Variants in MAGI1 observed in about 807,000 individuals in gnomAD.
The protein encoded by MAGI1 is membrane-associated guanylate kinase, WW and PDZ domain-containing protein 1.
Under a neutral mutation model 139.9 loss-of-function variants are expected in MAGI1, and 58 were observed. The observed-to-expected ratio is 0.41, with a 90% CI of 0.34 to 0.52. The LOEUF (loss-of-function observed/expected upper bound fraction) is 0.52. Among genes scored for constraint, MAGI1 ranks in the 20% least tolerant of loss-of-function variants. The pLI, the probability that MAGI1 is intolerant of heterozygous loss-of-function variation, is 0.12. For synonymous variants in MAGI1, 812 were observed against 737.9 expected (o/e 1.10, Z -1.63); for missense variants, 1,874 against 1,901.6 (o/e 0.99, Z 0.27).
intron 1 of MAGI1, among the ~76,000 whole-genome samples, chr3:65,735,396 A>T (rs557626966): frequency 2.2e-4 from 20 of 91,420 alleles, no homozygotes; most frequent in Admixed American, 3.5e-4. Context: ...ATCAACAGAA[A>T]ATATAAATAT....
intron 1 of MAGI1, among the ~76,000 whole-genome samples, chr3:65,794,897 A>G (rs1313061828): frequency 6.6e-6 from 1 of 152,136 alleles, no homozygotes; most frequent in African/African-American, 2.4e-5. Flanking sequence ...GGCAAAATAT[A>G]TAAACAGACA....
intron 2 of MAGI1, among the ~76,000 whole-genome samples, chr3:65,586,656 T>C (rs953777222): frequency 1.3e-5 from 2 of 152,168 alleles, no homozygotes; most frequent in African/African-American, 4.8e-5. Flanking sequence ...CACAAAAATA[T>C]ACAAAGATAC....
At chr3:65,434,536 C>T (rs1038012470) in intron 10 of MAGI1, among the ~76,000 whole-genome samples, 2 of 152,090 alleles carry the variant, frequency 1.3e-5, no homozygotes, top group Non-Finnish European at 2.9e-5. Context: ...AAAATTACTA[C>T]CAAACAATCT....
At chr3:65,636,546 C>T (rs2084629141) in intron 1 of MAGI1, among the ~76,000 whole-genome samples, 1 of 152,148 alleles carries the variant, frequency 6.6e-6, no homozygotes, top group African/African-American at 2.4e-5. Context: ...GTAAGACAAC[C>T]CTATCACATC....
intron 1 of MAGI1, among the ~76,000 whole-genome samples, chr3:65,663,156 AAC>A (rs1204534130): frequency 6.6e-6 from 1 of 152,226 alleles, no homozygotes; most frequent in Non-Finnish European, 1.5e-5. Context: ...ATATAAATTT[AAC>A]ATAGTAAAAT....
chr3:65,926,368 T>TCTCC (rs980352774), intron 1 of MAGI1, among the ~76,000 whole-genome samples: 20 of 147,658 alleles, frequency 1.4e-4, no homozygotes, highest in African/African-American at 4.0e-4. Context: ...TCTCTCTCTC[T>TCTCC]CCCTCTTTCC....
intron 14 of MAGI1, chr3:65,387,082 A>C: frequency 1.4e-6 from 2 of 1,456,384 alleles, no homozygotes; most frequent in Admixed American, 1.7e-5. Flanking sequence ...CCCCAGACCA[A>C]TGAGAACATC....
At chr3:65,918,668 C>G (rs544793626) in intron 1 of MAGI1, among the ~76,000 whole-genome samples, 1 of 151,988 alleles carries the variant, frequency 6.6e-6, no homozygotes, top group Non-Finnish European at 1.5e-5. Flanking sequence ...TGTGAGCCAC[C>G]GCGCCCGGCC....
intron 1 of MAGI1, among the ~76,000 whole-genome samples, chr3:65,759,457 C>G (rs1022261788): frequency 2.6e-5 from 4 of 152,136 alleles, no homozygotes; most frequent in African/African-American, 7.2e-5. Context: ...ACTGGGATCT[C>G]AGGACAATGT....
intron 13 of MAGI1, among the ~76,000 whole-genome samples, chr3:65,394,985 A>C (rs903009935): frequency 6.6e-6 from 1 of 152,216 alleles, no homozygotes; most frequent in African/African-American, 2.4e-5. Flanking sequence ...TATACTTTTA[A>C]GTCTGTTAAC....
intron 1 of MAGI1, among the ~76,000 whole-genome samples, chr3:65,967,642 G>C (rs1053201387): frequency 6.6e-6 from 1 of 152,214 alleles, no homozygotes; most frequent in Non-Finnish European, 1.5e-5. Flanking sequence ...CCAGGCCAAA[G>C]CAGTCGACAG....
chr3:65,945,597 C>T (rs2063511337), intron 1 of MAGI1, among the ~76,000 whole-genome samples: 1 of 152,196 alleles, frequency 6.6e-6, no homozygotes, highest in African/African-American at 2.4e-5. Flanking sequence ...AGTAGCCATG[C>T]TTCAACCAGT....
At chr3:65,904,023 A>C (rs2061341620) in intron 1 of MAGI1, among the ~76,000 whole-genome samples, 1 of 152,106 alleles carries the variant, frequency 6.6e-6, no homozygotes, top group Non-Finnish European at 1.5e-5. Context: ...AAAAAAAGAA[A>C]GAAAGAAAAT....
intron 1 of MAGI1, 135 bp downstream of exon 1, chr3:66,037,861 G>A: frequency 2.8e-6 from 4 of 1,426,832 alleles, no homozygotes; most frequent in Non-Finnish European, 3.8e-6. Context: ...GTATTTCACC[G>A]CCACCACAGG....
At chr3:65,553,223 A>G (rs1052323710) in intron 2 of MAGI1, among the ~76,000 whole-genome samples, 1 of 152,104 alleles carries the variant, frequency 6.6e-6, no homozygotes, top group African/African-American at 2.4e-5. Context: ...CGGTATAACA[A>G]TATTAAGTCA....
At position 65,738,303 on chromosome 3, in the gene MAGI1, C is replaced by G. The variant is rs13086107; in HGVS notation, c.314-116215G>C. 3.0e-3 allele frequency among the ~76,000 whole-genome samples: 457 copies of G among 152,312 alleles called. 4 individuals are homozygous for G. The highest frequency in any genetic ancestry group is 5.9e-3 in the Non-Finnish European group (400 of 68,030). ...CCTCCTGCCTCAGCCTCCTGAGTTG[C>G]TAGGACTATAGGCATGGGCCACCAC... is the stretch of plus-strand genomic sequence containing the variant. On this transcript the variant is annotated intron_variant, in intron 1 of 22. Coordinates refer to ENST00000402939, the MANE Select transcript of MAGI1 (RefSeq NM_001033057.2).
chr3:65,892,813 G>C (rs1441594426), intron 1 of MAGI1, among the ~76,000 whole-genome samples: 1 of 152,058 alleles, frequency 6.6e-6, no homozygotes, highest in Non-Finnish European at 1.5e-5. Context: ...GATTCTCATG[G>C]GCTCTTCTTT....
chr3:65,551,766 T>A (rs150417755), intron 2 of MAGI1, among the ~76,000 whole-genome samples: 1 of 152,246 alleles, frequency 6.6e-6, no homozygotes, highest in Non-Finnish European at 1.5e-5. Context: ...CAATCCACAC[T>A]AAGCATCTGA....
chr3:65,763,001 T>C lies in MAGI1; in HGVS notation c.314-140913A>G, dbSNP rs113254448. On this transcript the variant is annotated intron_variant, in intron 1 of 22. Transcript: ENST00000402939. ...CACCTGTTTCCCAAAGTAGGGATGG[T>C]ACATTTTTTGAACCATCACTACTAC... Among the ~76,000 whole-genome samples, 827 of 152,266 alleles carry C rather than the reference T, an allele frequency of 5.4e-3. 2 individuals are homozygous for C. The highest frequency in any genetic ancestry group is 8.8e-3 in the Non-Finnish European group (601 of 68,024).
Sources: allele counts gnomAD v4.1 joint callset (sites outside exome capture counted in the v4.1 genomes callset), GRCh38; gene constraint gnomAD v4.1.1; transcripts MANE v1.5; gene names NCBI Gene and HGNC (gene_info 2026-07-23, HGNC 2026-07-21).